LRRC4C: variants seen among roughly 807,000 people sequenced by gnomAD.
LRRC4C encodes leucine-rich repeat-containing protein 4C.
LRRC4C carries 5 observed loss-of-function variants against 33.6 expected under a neutral mutation model. The observed-to-expected ratio is 0.15, with a 90% CI of 0.08 to 0.31. The LOEUF (loss-of-function observed/expected upper bound fraction) is 0.31, where lower values mean the gene tolerates loss of function less well. Ranked by LOEUF, LRRC4C falls within the 10% of genes least tolerant of loss-of-function variation. LRRC4C has a pLI of 1.00. For missense variants in LRRC4C, 560 were observed against 796.7 expected (o/e 0.70, Z 3.58); for synonymous variants, 329 against 302.0 (o/e 1.09, Z -0.93).
At chr11:40,662,992 T>C (rs1463481974) in intron 2 of LRRC4C, among the ~76,000 whole-genome samples, 1 of 152,226 alleles carries the variant, frequency 6.6e-6, no homozygotes, top group Non-Finnish European at 1.5e-5. Context: ...ATAAGTTAAA[T>C]TATATCTCCT....
At chr11:41,384,885 T>A (rs1467994106) in intron 1 of LRRC4C, among the ~76,000 whole-genome samples, 4 of 148,984 alleles carry the variant, frequency 2.7e-5, no homozygotes, top group Admixed American at 2.7e-4. Flanking sequence ...CTATACAAAC[T>A]TTTTGGGGAG....
At chr11:41,204,718 CCTTT>C (rs550004726) in intron 1 of LRRC4C, among the ~76,000 whole-genome samples, 5 of 151,706 alleles carry the variant, frequency 3.3e-5, no homozygotes, top group South Asian at 4.2e-4. Flanking sequence ...TTCCTTTTTG[CCTTT>C]CTTTCTTTCT....
intron 5 of LRRC4C, among the ~76,000 whole-genome samples, chr11:40,160,299 G>C (rs1480402009): frequency 6.6e-6 from 1 of 151,590 alleles, no homozygotes; most frequent in Non-Finnish European, 1.5e-5. Flanking sequence ...TTAGATTTTT[G>C]AGCAACTGTC....
chr11:40,306,434 T>C (rs1267749339), intron 4 of LRRC4C, among the ~76,000 whole-genome samples: 1 of 152,148 alleles, frequency 6.6e-6, no homozygotes, highest in Non-Finnish European at 1.5e-5. Context: ...AGAGTCACCT[T>C]CAAAACTGTC....
At chr11:40,898,046 G>A (rs1456299129) in intron 2 of LRRC4C, among the ~76,000 whole-genome samples, 1 of 152,052 alleles carries the variant, frequency 6.6e-6, no homozygotes, top group Admixed American at 6.5e-5. Context: ...AAGAAAAAAA[G>A]TGCTGTTTCT....
intron 2 of LRRC4C, among the ~76,000 whole-genome samples, chr11:40,850,670 C>T (rs1001066469): frequency 3.9e-5 from 6 of 152,190 alleles, no homozygotes; most frequent in Admixed American, 2.0e-4. Context: ...CTGGGAGATC[C>T]GCTGCTCTCT....
At chr11:40,643,965 C>T (rs1271374220) in intron 3 of LRRC4C, among the ~76,000 whole-genome samples, 1 of 151,956 alleles carries the variant, frequency 6.6e-6, no homozygotes, top group Non-Finnish European at 1.5e-5. Context: ...ACGTATTCTA[C>T]CAACAATCAG....
At chr11:40,789,184 T>C (rs1950536247) in intron 2 of LRRC4C, among the ~76,000 whole-genome samples, 1 of 150,760 alleles carries the variant, frequency 6.6e-6, no homozygotes. Flanking sequence ...AGTTTGAAAA[T>C]TTAGACCATT....
intron 1 of LRRC4C, among the ~76,000 whole-genome samples, chr11:41,149,530 A>G (rs1473659143): frequency 2.6e-5 from 4 of 151,750 alleles, no homozygotes; most frequent in Non-Finnish European, 5.9e-5. Flanking sequence ...AAAAAAAAAA[A>G]AAAGAAGGGC....
chr11:41,080,342 C>CTTTTTT lies in LRRC4C; in HGVS notation c.-495-146625_-495-146620dup, dbSNP rs71060997. On this transcript the variant is annotated intron_variant, in intron 1 of 6. Coordinates refer to ENST00000528697, the MANE Select transcript of LRRC4C (RefSeq NM_001258419.2). ...TTGACCCAAATGTCAGAGTCTCCTCCTTTTTTTTTTTTTTTTTTTTTTGTT... is the reference window on the plus strand; with the variant it reads ...TTGACCCAAATGTCAGAGTCTCCTCCTTTTTTTTTTTTTTTTTTTTTTTTTTTTGTT... Among the ~76,000 whole-genome samples the CTTTTTT allele has an allele frequency of 6.0e-3, 617 of 103,278 alleles. 1 individual carries two copies. Among genetic ancestry groups the CTTTTTT allele is most frequent in the East Asian group, 8.3e-3 (26 of 3,132 alleles). The allele number at this position is 103,278 out of a possible 152,430, so 67.8% of individuals were successfully genotyped here.
chr11:40,142,891 C>T (rs1197104716), intron 5 of LRRC4C, among the ~76,000 whole-genome samples: 1 of 152,184 alleles, frequency 6.6e-6, no homozygotes, highest in African/African-American at 2.4e-5. Flanking sequence ...AACCTGTCTA[C>T]AGTCAAACTC....
At chr11:41,362,132 A>G (rs562180464) in intron 1 of LRRC4C, among the ~76,000 whole-genome samples, 1 of 152,154 alleles carries the variant, frequency 6.6e-6, no homozygotes, top group African/African-American at 2.4e-5. Context: ...TTCCTCACTC[A>G]TATCAGAGGA....
At chr11:41,356,028 C>G (rs1209644739) in intron 1 of LRRC4C, among the ~76,000 whole-genome samples, 2 of 151,990 alleles carry the variant, frequency 1.3e-5, no homozygotes, top group African/African-American at 4.8e-5. Context: ...GAGTTTATAG[C>G]GTTCACCTTA....
chr11:41,072,677 A>G (rs1004683727), intron 1 of LRRC4C, among the ~76,000 whole-genome samples: 1 of 152,122 alleles, frequency 6.6e-6, no homozygotes, highest in African/African-American at 2.4e-5. Flanking sequence ...AGTTCTTTAT[A>G]GCAATATGAG....
chr11:40,952,011 A>G (rs1317123432), intron 1 of LRRC4C, among the ~76,000 whole-genome samples: 1 of 151,936 alleles, frequency 6.6e-6, no homozygotes, highest in Non-Finnish European at 1.5e-5. Context: ...AAATAAGTTT[A>G]TTATATCTGT....
At chr11:41,227,069 A>G (rs1378395396) in intron 1 of LRRC4C, among the ~76,000 whole-genome samples, 1 of 152,002 alleles carries the variant, frequency 6.6e-6, no homozygotes, top group East Asian at 1.9e-4. Flanking sequence ...AATGGGCAAG[A>G]CTAGTAATTT....
At chr11:40,677,099 A>C (rs934148686) in intron 2 of LRRC4C, among the ~76,000 whole-genome samples, 1 of 152,018 alleles carries the variant, frequency 6.6e-6, no homozygotes. Flanking sequence ...TACTTTTCAT[A>C]CATTTGCTGG....
At chr11:40,747,838 A>G (rs1948499645) in intron 2 of LRRC4C, among the ~76,000 whole-genome samples, 1 of 152,194 alleles carries the variant, frequency 6.6e-6, no homozygotes, top group Non-Finnish European at 1.5e-5. Flanking sequence ...ATTTGAAGAC[A>G]GTTCTTTTGA....
chr11:40,488,958 G>A (rs1211690757), intron 3 of LRRC4C, among the ~76,000 whole-genome samples: 2 of 152,066 alleles, frequency 1.3e-5, no homozygotes. Flanking sequence ...ATGGAAGACA[G>A]CATAAAAGGT....
Sources: gnomAD v4.1 joint callset for allele counts (sites outside exome capture counted in the v4.1 genomes callset) on GRCh38, gnomAD v4.1.1 for gene constraint, MANE v1.5 for transcripts, NCBI Gene and HGNC (gene_info 2026-07-23, HGNC 2026-07-21) for gene names.